NCAM2: variants seen among roughly 807,000 people sequenced by gnomAD.
NCAM2 encodes N-CAM-2.
Under a neutral mutation model 98.1 loss-of-function variants are expected in NCAM2, and 30 were observed. The ratio of observed to expected loss-of-function variants is 0.31; its 90% CI spans 0.23 to 0.41. The LOEUF is 0.41. NCAM2 is among the 10% of genes least tolerant of loss of function. NCAM2 has a pLI of 1.00. For synonymous variants in NCAM2, 368 were observed against 342.4 expected, an observed-to-expected ratio of 1.07 and a Z score of -0.83; for missense variants, 867 against 1,005.8, an observed-to-expected ratio of 0.86 and a Z score of 1.87.
intron 1 of NCAM2, among the ~76,000 whole-genome samples, chr21:21,268,564 A>T (rs1156705716): frequency 2.0e-5 from 3 of 152,096 alleles, no homozygotes; most frequent in Admixed American, 6.6e-5. Flanking sequence ...GTGAGCTCCA[A>T]TTTCGTTATA....
In NCAM2 at chr21:21,286,325, G is replaced by T; in HGVS notation, c.394G>T (p.Ala132Ser). 1 of 1,612,262 alleles carries T rather than the reference G, an allele frequency of 6.2e-7. No homozygotes were observed. Among genetic ancestry groups the T allele is most frequent in the Non-Finnish European group, 8.5e-7 (1 of 1,179,038 alleles). Residue 132 changes from alanine to serine, a missense_variant, in exon 4 of 18, where the codon GCA becomes TCA. By Grantham distance (99) the Ala-to-Ser change is moderately conservative (BLOSUM62 1). Coordinates refer to ENST00000400546, the MANE Select transcript of NCAM2 (RefSeq NM_004540.5). Reference protein sequence around the residue: ...SPQEFKQGEDAEVVCRVSSSP... With the variant: ...SPQEFKQGEDSEVVCRVSSSP... Reference sequence around the variant, plus strand: ...ACAAGAATTCAAACAAGGAGAAGATGCAGAAGTGGTTTGCCGAGTTAGCAG... The same window carrying T: ...ACAAGAATTCAAACAAGGAGAAGATTCAGAAGTGGTTTGCCGAGTTAGCAG...
chr21:21,308,074 C>CACACAG (rs1490896103), intron 5 of NCAM2, among the ~76,000 whole-genome samples: 1 of 151,558 alleles, frequency 6.6e-6, no homozygotes, highest in Non-Finnish European at 1.5e-5. Flanking sequence ...CACACATACA[C>CACACAG]ACACACACAC....
chr21:21,191,221 T>C (rs146807217), intron 1 of NCAM2, among the ~76,000 whole-genome samples: 210 of 152,256 alleles, frequency 1.4e-3, no homozygotes, highest in Middle Eastern at 6.8e-3. Flanking sequence ...CCTGTGAAAA[T>C]AGGTATTTGA....
chr21:21,214,352 A>G (rs2069779914), intron 1 of NCAM2, among the ~76,000 whole-genome samples: 1 of 152,112 alleles, frequency 6.6e-6, no homozygotes, highest in South Asian at 2.1e-4. Flanking sequence ...TCTTTCCATG[A>G]TATCTCATTT....
intron 1 of NCAM2, among the ~76,000 whole-genome samples, chr21:21,209,086 G>A (rs568487864): frequency 1.3e-4 from 20 of 151,802 alleles, no homozygotes; most frequent in African/African-American, 4.6e-4. Context: ...TTGCTTTATC[G>A]ACACCTTGAT....
Position 21,057,302 on chromosome 21 carries a change from T to C in NCAM2, c.55+58684T>C, listed in dbSNP as rs535083731. 3.2e-4 allele frequency among the ~76,000 whole-genome samples: 48 copies of C among 152,196 alleles called. 1 individual carries two copies. In the South Asian group the frequency reaches 8.9e-3, roughly 28 times the overall value. ...GATTGCAACAAATACAAAGAAACTA[T>C]TGAGATGTAACAAAGACGTGCAATT... On this transcript the variant is annotated intron_variant, in intron 1 of 17. Transcript: ENST00000400546.
chr21:21,369,586 C>A (rs2075867135), intron 8 of NCAM2, among the ~76,000 whole-genome samples: 1 of 151,718 alleles, frequency 6.6e-6, no homozygotes, highest in Non-Finnish European at 1.5e-5. Flanking sequence ...ATGAGGGTGC[C>A]AATTTCTTCA....
intron 16 of NCAM2, 69 bp downstream of exon 16, chr21:21,509,124 G>A (rs1988195272): frequency 5.3e-6 from 8 of 1,497,918 alleles, no homozygotes; most frequent in Non-Finnish European, 7.4e-6. Flanking sequence ...TGCTTTACCT[G>A]AGGGCGTTGT....
At chr21:21,319,100 G>A (rs1269580833) in intron 5 of NCAM2, among the ~76,000 whole-genome samples, 1 of 152,026 alleles carries the variant, frequency 6.6e-6, no homozygotes, top group Non-Finnish European at 1.5e-5. Flanking sequence ...TTGGGTGACA[G>A]AGGGAGACCC....
At chr21:21,224,688 G>A (rs2070311312) in intron 1 of NCAM2, among the ~76,000 whole-genome samples, 1 of 152,046 alleles carries the variant, frequency 6.6e-6, no homozygotes, top group Admixed American at 6.6e-5. Flanking sequence ...TATATGATTA[G>A]CAGACAAAGA....
At chr21:21,102,242 T>G (rs1339735699) in intron 1 of NCAM2, among the ~76,000 whole-genome samples, 1 of 152,098 alleles carries the variant, frequency 6.6e-6, no homozygotes. Context: ...TTATGTAGAT[T>G]GTGAATCACT....
chr21:21,378,119 G>A (rs1223030331), intron 9 of NCAM2, among the ~76,000 whole-genome samples: 1 of 151,436 alleles, frequency 6.6e-6, no homozygotes, highest in Non-Finnish European at 1.5e-5. Flanking sequence ...TATCTAGGCT[G>A]TTGTGAATAA....
chr21:21,444,978 A>C (rs1333593589), intron 12 of NCAM2, among the ~76,000 whole-genome samples: 2 of 152,166 alleles, frequency 1.3e-5, no homozygotes, highest in African/African-American at 4.8e-5. Context: ...TTAGTGTTGT[A>C]AATTTCCCTC....
intron 9 of NCAM2, among the ~76,000 whole-genome samples, chr21:21,402,221 G>A (rs1223144929): frequency 6.6e-6 from 1 of 152,076 alleles, no homozygotes; most frequent in Non-Finnish European, 1.5e-5. Context: ...GCCTATAAAC[G>A]GACATGCAAG....
intron 15 of NCAM2, among the ~76,000 whole-genome samples, chr21:21,505,245 A>T (rs992002608): frequency 6.6e-6 from 1 of 152,056 alleles, no homozygotes; most frequent in Non-Finnish European, 1.5e-5. Flanking sequence ...GTAGGATCTT[A>T]ATCTGATGGG....
At position 21,381,018 on chromosome 21, in the gene NCAM2, A is replaced by T. The variant is rs534904505; in HGVS notation, c.1195+7005A>T. Among the ~76,000 whole-genome samples the T allele has an allele frequency of 2.6e-5, 4 of 152,184 alleles. No individual in the cohort carries two copies. The East Asian group carries it at 7.7e-4, about 29-fold the overall frequency. ...AACACTTTCCATTCATTTACTTTTA[A>T]CCTGTCTGCATTTTTATGTGAAATT... On this transcript the variant is annotated intron_variant, in intron 9 of 17. Coordinates refer to ENST00000400546, the MANE Select transcript of NCAM2 (RefSeq NM_004540.5).
Position 21,542,328 on chromosome 21 carries a change from T to TAA in NCAM2, c.*4371_*4372insAA, listed in dbSNP as rs1990263945. On this transcript the variant is annotated 3_prime_UTR_variant, in exon 18 of 18. Coordinates refer to ENST00000400546, the MANE Select transcript of NCAM2 (RefSeq NM_004540.5). ...TCATATAAAGGCAAAGAATTTTATA[T>TAA]TATATATAATGCTAAATATTTATTT... 6.6e-6 allele frequency: 1 copy of TAA among 151,510 alleles called. No homozygotes were observed. The highest frequency in any genetic ancestry group is 2.4e-5 in the African/African-American group (1 of 41,304). 9.4% of individuals were successfully genotyped at this position (151,510 alleles called of 1,614,324 possible).
intron 1 of NCAM2, among the ~76,000 whole-genome samples, chr21:21,265,655 A>C (rs2072240284): frequency 6.6e-6 from 1 of 151,686 alleles, no homozygotes; most frequent in Non-Finnish European, 1.5e-5. Context: ...GAAATAACTC[A>C]GAAACAGAAA....
intron 9 of NCAM2, among the ~76,000 whole-genome samples, chr21:21,383,102 G>A (rs2076194436): frequency 6.6e-6 from 1 of 152,054 alleles, no homozygotes; most frequent in Non-Finnish European, 1.5e-5. Context: ...TGTACTGGTT[G>A]TCAAAAAATA....
Sources: gnomAD v4.1 joint callset for allele counts (sites outside exome capture counted in the v4.1 genomes callset) on GRCh38, gnomAD v4.1.1 for gene constraint, MANE v1.5 for transcripts, NCBI Gene and HGNC (gene_info 2026-07-23, HGNC 2026-07-21) for gene names.